The following CNTN4 variants were observed in gnomAD, a reference collection of about 807,000 sequenced individuals.
CNTN4 encodes the protein contactin 4.
In CNTN4, 77 loss-of-function variants were observed where a neutral mutation model predicts 122.5. The ratio of observed to expected loss-of-function variants is 0.63; its 90% CI spans 0.52 to 0.76. The LOEUF (loss-of-function observed/expected upper bound fraction) is 0.76. Among genes scored for constraint, CNTN4 ranks in the 30% least tolerant of loss-of-function variants. CNTN4 has a pLI of 0.00. For synonymous variants in CNTN4, 512 were observed against 447.0 expected, an observed-to-expected ratio of 1.15 and a Z score of -1.83; for missense variants, 1,256 against 1,259.1, an observed-to-expected ratio of 1.00 and a Z score of 0.04.
At chr3:2,317,432 C>T (rs1243726812) in intron 2 of CNTN4, among the ~76,000 whole-genome samples, 1 of 152,188 alleles carries the variant, frequency 6.6e-6, no homozygotes. Context: ...TTTTCAACTC[C>T]TGATCTTTGT....
intron 3 of CNTN4, among the ~76,000 whole-genome samples, chr3:2,361,720 G>T (rs1456163393): frequency 6.6e-6 from 1 of 152,116 alleles, no homozygotes; most frequent in Non-Finnish European, 1.5e-5. Flanking sequence ...AAAAGCTGAA[G>T]AAATAACTTC....
At chr3:2,388,577 G>T (rs1393480909) in intron 3 of CNTN4, among the ~76,000 whole-genome samples, 1 of 152,224 alleles carries the variant, frequency 6.6e-6, no homozygotes, top group Non-Finnish European at 1.5e-5. Context: ...GGGCACAGAG[G>T]CTTACGCCTG....
chr3:2,255,033 T>G (rs1036653861), intron 2 of CNTN4, among the ~76,000 whole-genome samples: 4 of 152,188 alleles, frequency 2.6e-5, no homozygotes, highest in Admixed American at 2.6e-4. Flanking sequence ...TAGGTTTAAG[T>G]GTTTAATCCA....
At position 2,287,711 on chromosome 3, in the gene CNTN4, G is replaced by GGAAGAA. The variant is rs56014308; in HGVS notation, c.-144-51405_-144-51400dup. ...AAGAAGAGGAAGAAGAAGAAGAAGAGGAAGAAGAAGAAGAAGAAGAAGAAG... is the reference window on the plus strand; with the variant it reads ...AAGAAGAGGAAGAAGAAGAAGAAGAGGAAGAAGAAGAAGAAGAAGAAGAAGAAGAAG... On this transcript the variant is annotated intron_variant, in intron 2 of 24. Transcript: ENST00000418658. Among the ~76,000 whole-genome samples the GGAAGAA allele has an allele frequency of 2.1e-3, 136 of 65,442 alleles. 2 individuals are homozygous for GGAAGAA. Among genetic ancestry groups the GGAAGAA allele is most frequent in the African/African-American group, 6.6e-3 (109 of 16,400 alleles). 42.9% of individuals were successfully genotyped at this position (65,442 alleles called of 152,430 possible). A position where few individuals can be genotyped will look rare whatever the true frequency, so the allele number is the denominator to read the frequency against.
At chr3:2,225,796 G>A (rs1153526) in intron 2 of CNTN4, among the ~76,000 whole-genome samples, 147,338 of 152,266 alleles carry the variant, frequency 0.97, 71,462 homozygotes, top group East Asian at 1. Flanking sequence ...ACTCATCATG[G>A]ACTGGCTCAC....
chr3:2,234,341 GC>G (rs1159876061), intron 2 of CNTN4, among the ~76,000 whole-genome samples: 6 of 124,790 alleles, frequency 4.8e-5, no homozygotes, highest in African/African-American at 1.8e-4. Flanking sequence ...TCGCACCATT[GC>G]ACTCCAGCCG....
intron 13 of CNTN4, among the ~76,000 whole-genome samples, chr3:2,967,993 A>C (rs2125068545): frequency 6.6e-6 from 1 of 152,168 alleles, no homozygotes; most frequent in Non-Finnish European, 1.5e-5. Flanking sequence ...GACCATTTTC[A>C]GTTGAAAGTT....
chr3:2,258,442 A>G (rs1445186993), intron 2 of CNTN4, among the ~76,000 whole-genome samples: 1 of 152,134 alleles, frequency 6.6e-6, no homozygotes, highest in African/African-American at 2.4e-5. Flanking sequence ...CTGTCTCAAT[A>G]TACATTTAGG....
chr3:2,412,835 C>T (rs928604174), intron 3 of CNTN4, among the ~76,000 whole-genome samples: 5 of 152,018 alleles, frequency 3.3e-5, no homozygotes, highest in Non-Finnish European at 5.9e-5. Context: ...AGATATTCTA[C>T]TTGATATTGT....
At chr3:2,205,355 T>A (rs959784014) in intron 2 of CNTN4, among the ~76,000 whole-genome samples, 3 of 149,516 alleles carry the variant, frequency 2.0e-5, no homozygotes, top group African/African-American at 7.3e-5. Flanking sequence ...AAAATATATG[T>A]AATATAATTA....
At chr3:2,982,726 A>G (rs940470476) in intron 13 of CNTN4, among the ~76,000 whole-genome samples, 5 of 152,172 alleles carry the variant, frequency 3.3e-5, no homozygotes, top group African/African-American at 4.8e-5. Context: ...GTCCCTGCCC[A>G]TCTTTATACC....
intron 7 of CNTN4, among the ~76,000 whole-genome samples, chr3:2,831,784 G>C (rs1002195792): frequency 6.6e-6 from 1 of 152,210 alleles, no homozygotes; most frequent in African/African-American, 2.4e-5. Context: ...ACTTTGTGAA[G>C]TAGTGTGGAA....
chr3:2,142,060 T>TAGAA (rs2035021382), intron 2 of CNTN4, among the ~76,000 whole-genome samples: 1 of 152,222 alleles, frequency 6.6e-6, no homozygotes, highest in East Asian at 1.9e-4. Flanking sequence ...GTTAATGATT[T>TAGAA]CTGTCGTAGG....
intron 4 of CNTN4, among the ~76,000 whole-genome samples, chr3:2,699,750 A>G (rs1226455086): frequency 6.6e-6 from 1 of 152,196 alleles, no homozygotes; most frequent in African/African-American, 2.4e-5. Flanking sequence ...CTCTTGAGCA[A>G]ACCTTGGACA....
In CNTN4 at chr3:2,470,601, C is replaced by T. The variant is rs554409854; in HGVS notation, c.-88-100815C>T. Among the ~76,000 whole-genome samples, 261 of 152,288 alleles carry T rather than the reference C, an allele frequency of 1.7e-3. 2 individuals carry two copies. Among genetic ancestry groups the T allele is most frequent in the African/African-American group, 6.0e-3 (250 of 41,568 alleles). ...TGTGACCTTTTTCCCACAGTCTTGTCTGCCACCATGAGAGGCCAACAGACA... is the reference window on the plus strand; with the variant it reads ...TGTGACCTTTTTCCCACAGTCTTGTTTGCCACCATGAGAGGCCAACAGACA... On this transcript the variant is annotated intron_variant, in intron 3 of 24. Transcript: ENST00000418658.
chr3:2,826,126 C>G (rs2092983116), intron 7 of CNTN4, among the ~76,000 whole-genome samples: 1 of 152,184 alleles, frequency 6.6e-6, no homozygotes. Flanking sequence ...ATAAGAGTTA[C>G]TGTTGCCTAG....
At chr3:2,925,114 A>C (rs572397137) in intron 12 of CNTN4, among the ~76,000 whole-genome samples, 1 of 152,342 alleles carries the variant, frequency 6.6e-6, no homozygotes, top group East Asian at 1.9e-4. Context: ...TACCAAATTC[A>C]CCAAACTGTA....
chr3:2,764,010 G>A (rs2090723496), intron 6 of CNTN4, among the ~76,000 whole-genome samples: 1 of 151,506 alleles, frequency 6.6e-6, no homozygotes, highest in Admixed American at 6.6e-5. Flanking sequence ...TATTTTAGAT[G>A]TTTAAGGAGA....
intron 4 of CNTN4, among the ~76,000 whole-genome samples, chr3:2,605,084 G>A (rs563594494): frequency 6.6e-6 from 1 of 152,250 alleles, no homozygotes; most frequent in East Asian, 1.9e-4. Flanking sequence ...ATAGTTCACG[G>A]CAGCCTCGAA....
Sources: gnomAD v4.1 joint callset for allele counts (sites outside exome capture counted in the v4.1 genomes callset) on GRCh38, gnomAD v4.1.1 for gene constraint, MANE v1.5 for transcripts, NCBI Gene and HGNC (gene_info 2026-07-23, HGNC 2026-07-21) for gene names.